MYT1L: variants seen among roughly 807,000 people sequenced by gnomAD.
MYT1L encodes myelin transcription factor 1-like protein.
A neutral mutation model predicts 126.7 loss-of-function variants in MYT1L; 12 were observed. The observed-to-expected ratio is 0.09, with a 90% CI of 0.06 to 0.15. The LOEUF (loss-of-function observed/expected upper bound fraction) is 0.15, where lower values mean the gene tolerates loss of function less well. Among genes scored for constraint, MYT1L ranks in the 10% least tolerant of loss-of-function variants. MYT1L has a pLI of 1.00. For synonymous variants in MYT1L, 541 were observed against 604.2 expected, an observed-to-expected ratio of 0.90 and a Z score of 1.53; for missense variants, 979 against 1,585.2, an observed-to-expected ratio of 0.62 and a Z score of 6.49.
intron 23 of MYT1L, among the ~76,000 whole-genome samples, chr2:1,799,495 C>T (rs1413590762): frequency 2.6e-5 from 4 of 152,178 alleles, no homozygotes; most frequent in Non-Finnish European, 4.4e-5. Flanking sequence ...TGGACAGCCA[C>T]GGAGCAGCAG....
chr2:1,940,866 C>T (rs780794713), intron 9 of MYT1L, among the ~76,000 whole-genome samples: 2 of 152,236 alleles, frequency 1.3e-5, no homozygotes, highest in Non-Finnish European at 2.9e-5. Context: ...GAGTGGTGGG[C>T]ACCATGCCAG....
At chr2:2,102,863 T>C (rs1395028052) in intron 3 of MYT1L, among the ~76,000 whole-genome samples, 5 of 151,818 alleles carry the variant, frequency 3.3e-5, no homozygotes, top group Non-Finnish European at 5.9e-5. Context: ...AGAATATTGA[T>C]CTATATAAAA....
chr2:2,160,863 A>G (rs2087762909), intron 3 of MYT1L, among the ~76,000 whole-genome samples: 1 of 152,196 alleles, frequency 6.6e-6, no homozygotes, highest in African/African-American at 2.4e-5. Flanking sequence ...AGACCAAAGA[A>G]GAGGATTCAA....
rs924388502 is a variant in MYT1L at position 2,049,904 on chromosome 2, C to T, written c.-158+4074G>A. ...CTTTTTCTTCATAAGTTGCCCAGTC[C>T]CAGGCATGTCTTTATCAGTATTGTG... On this transcript the variant is annotated intron_variant, in intron 4 of 24. Transcript: ENST00000647738. Among the ~76,000 whole-genome samples, 6 of 152,040 alleles carry T rather than the reference C, an allele frequency of 3.9e-5. No homozygotes were observed. In the East Asian group the frequency reaches 9.7e-4, roughly 25 times the overall value.
rs2060419347 is a variant in MYT1L, at chr2:1,979,298, A to C, written c.90-71T>G. ...TGAGACGGAAAGCTTCCGTGGCAGC[A>C]GAGAGAAGGAGGGCGGCTCAGACAG... On this transcript the variant is annotated intron_variant, in intron 7 of 24. Coordinates refer to ENST00000647738, the MANE Select transcript of MYT1L (RefSeq NM_001303052.2). The surrounding 1 kb of genome is among the most constrained non-coding windows in gnomAD (Gnocchi z 4.0). 1.4e-6 allele frequency: 2 copies of C among 1,384,608 alleles called. No individual in the cohort carries two copies. Among genetic ancestry groups the C allele is most frequent in the East Asian group, 4.6e-5 (2 of 43,140 alleles). 85.8% of individuals were successfully genotyped at this position (1,384,608 alleles called of 1,614,324 possible).
chr2:1,911,603 C>T (rs1233767160), intron 12 of MYT1L, among the ~76,000 whole-genome samples: 1 of 152,148 alleles, frequency 6.6e-6, no homozygotes, highest in Non-Finnish European at 1.5e-5. Flanking sequence ...TGAAGACGTC[C>T]ATACTTGTGA....
chr2:1,905,697 G>C (rs1008211733), intron 13 of MYT1L, among the ~76,000 whole-genome samples: 2 of 152,164 alleles, frequency 1.3e-5, no homozygotes, highest in African/African-American at 2.4e-5. Context: ...TTGATTACTA[G>C]TATCAGTAAG....
intron 3 of MYT1L, among the ~76,000 whole-genome samples, chr2:2,115,898 C>T (rs1413109554): frequency 1.3e-5 from 2 of 149,592 alleles, no homozygotes; most frequent in African/African-American, 5.0e-5. Flanking sequence ...CACGTCCAGT[C>T]GATGAAAACA....
intron 3 of MYT1L, among the ~76,000 whole-genome samples, chr2:2,099,032 G>A (rs946278923): frequency 2.0e-5 from 3 of 152,292 alleles, no homozygotes; most frequent in South Asian, 4.1e-4. Flanking sequence ...CACAAGCACC[G>A]CTAGGCAGCC....
chr2:1,838,517 C>T (rs1199166249), intron 21 of MYT1L, among the ~76,000 whole-genome samples: 2 of 152,178 alleles, frequency 1.3e-5, no homozygotes, highest in Non-Finnish European at 2.9e-5. Flanking sequence ...CCTCCACCTC[C>T]TCAAGGAAGC....
At chr2:2,149,525 T>C (rs1206473906) in intron 3 of MYT1L, among the ~76,000 whole-genome samples, 1 of 152,200 alleles carries the variant, frequency 6.6e-6, no homozygotes. Context: ...CAGAACCATA[T>C]GCAGAGCTGG....
chr2:2,111,519 G>T (rs1389670106), intron 3 of MYT1L, among the ~76,000 whole-genome samples: 2 of 152,194 alleles, frequency 1.3e-5, no homozygotes, highest in Non-Finnish European at 2.9e-5. Context: ...TACTAATTTT[G>T]AGAATTTAGG....
chr2:2,318,109 A>G (rs1379130027), intron 1 of MYT1L, among the ~76,000 whole-genome samples: 4 of 152,246 alleles, frequency 2.6e-5, no homozygotes, highest in Admixed American at 1.3e-4. Context: ...TGAGGCTAAA[A>G]TACATGATTC....
intron 3 of MYT1L, among the ~76,000 whole-genome samples, chr2:2,137,533 C>A (rs556606702): frequency 2.9e-4 from 44 of 152,226 alleles, no homozygotes; most frequent in South Asian, 2.3e-3. Context: ...AGAAATAATG[C>A]CACATATCTA....
intron 3 of MYT1L, among the ~76,000 whole-genome samples, chr2:2,125,449 A>T (rs1240839949): frequency 6.6e-6 from 1 of 152,216 alleles, no homozygotes; most frequent in South Asian, 2.1e-4. Flanking sequence ...ATCCTTTACT[A>T]AACTGTAAGC....
At chr2:1,870,853 A>G (rs1443494471) in intron 18 of MYT1L, among the ~76,000 whole-genome samples, 2 of 152,220 alleles carry the variant, frequency 1.3e-5, no homozygotes, top group African/African-American at 2.4e-5. Flanking sequence ...AGTTACTGCT[A>G]AAGTGTCCTA....
intron 3 of MYT1L, among the ~76,000 whole-genome samples, chr2:2,098,561 A>G (rs1035350): frequency 0.39 from 59,836 of 152,036 alleles, 12,292 homozygotes; most frequent in African/African-American, 0.52. Context: ...GTGTCACACT[A>G]GGGAGGAGGG....
intron 13 of MYT1L, among the ~76,000 whole-genome samples, chr2:1,904,959 A>G (rs1245045409): frequency 6.8e-6 from 1 of 146,320 alleles, no homozygotes; most frequent in African/African-American, 2.6e-5. Flanking sequence ...GTGCCCAGCT[A>G]ATTTTTTTTT....
intron 21 of MYT1L, among the ~76,000 whole-genome samples, chr2:1,835,917 G>A (rs925025159): frequency 2.6e-5 from 4 of 152,166 alleles, no homozygotes; most frequent in Admixed American, 6.5e-5. Context: ...ACTGATACCC[G>A]GGGCTGGAGC....
Sources: gnomAD v4.1 joint callset for allele counts (sites outside exome capture counted in the v4.1 genomes callset) on GRCh38, gnomAD v4.1.1 for gene constraint, Gnocchi (gnomAD v3.1) non-coding constraint, MANE v1.5 for transcripts, NCBI Gene and HGNC (gene_info 2026-07-23, HGNC 2026-07-21) for gene names.